The following B3GALT1 variants were observed in gnomAD, a reference collection of about 807,000 sequenced individuals.
B3GALT1 encodes beta-1,3-galactosyltransferase 1.
Under a neutral mutation model 23.2 loss-of-function variants are expected in B3GALT1, and 10 were observed. That is an observed-to-expected ratio of 0.43 (90% CI 0.27 to 0.73). The LOEUF (loss-of-function observed/expected upper bound fraction) is 0.73, where lower values mean the gene tolerates loss of function less well. Ranked by LOEUF, B3GALT1 falls within the 30% of genes least tolerant of loss-of-function variation. B3GALT1 has a pLI of 0.21. For missense variants in B3GALT1, 299 were observed against 405.4 expected (o/e 0.74, Z 2.25); for synonymous variants, 156 against 141.5 (o/e 1.10, Z -0.73).
intron 3 of B3GALT1, among the ~76,000 whole-genome samples, chr2:167,751,867 A>G (rs1033698710): frequency 2.0e-5 from 3 of 152,176 alleles, no homozygotes; most frequent in African/African-American, 7.2e-5. Context: ...AGTCTAGGAA[A>G]GGAGATCTTC....
intron 2 of B3GALT1, among the ~76,000 whole-genome samples, chr2:167,545,277 C>T (rs112007353): frequency 0.053 from 8,107 of 151,900 alleles, 413 homozygotes; most frequent in East Asian, 0.25. Context: ...CCTTGTGATC[C>T]GCCCACCTCG....
chr2:167,456,990 C>T (rs1279438052), intron 1 of B3GALT1, among the ~76,000 whole-genome samples: 1 of 152,132 alleles, frequency 6.6e-6, no homozygotes, highest in Non-Finnish European at 1.5e-5. Flanking sequence ...TTTCTGGCAA[C>T]CAGATCCAAT....
At chr2:167,726,730 G>A (rs115457615) in intron 3 of B3GALT1, among the ~76,000 whole-genome samples, 1 of 152,222 alleles carries the variant, frequency 6.6e-6, no homozygotes, top group Non-Finnish European at 1.5e-5. Context: ...AACACAACTG[G>A]TATGTAGCAG....
intron 3 of B3GALT1, among the ~76,000 whole-genome samples, chr2:167,687,669 AC>A (rs1241408138): frequency 3.3e-5 from 5 of 152,206 alleles, no homozygotes; most frequent in African/African-American, 7.2e-5. Context: ...ATGCTTCCTT[AC>A]AAAAATGTGT....
intron 4 of B3GALT1, among the ~76,000 whole-genome samples, chr2:167,845,238 C>T (rs531743686): frequency 6.6e-6 from 1 of 152,260 alleles, no homozygotes; most frequent in African/African-American, 2.4e-5. Context: ...TCCATACTAC[C>T]ACAGCTGGTG....
At chr2:167,581,938 T>C (rs981932931) in intron 2 of B3GALT1, among the ~76,000 whole-genome samples, 2 of 152,230 alleles carry the variant, frequency 1.3e-5, no homozygotes, top group Non-Finnish European at 2.9e-5. Flanking sequence ...GAATGTGCCC[T>C]GTCTTCTGTG....
chr2:167,367,343 A>G (rs1329632445), intron 1 of B3GALT1, among the ~76,000 whole-genome samples: 2 of 152,176 alleles, frequency 1.3e-5, no homozygotes, highest in South Asian at 2.1e-4. Flanking sequence ...GACCTCAACT[A>G]GATCTTTCCA....
At chr2:167,296,238 A>G (rs537258955) in intron 1 of B3GALT1, among the ~76,000 whole-genome samples, 1 of 152,378 alleles carries the variant, frequency 6.6e-6, no homozygotes, top group African/African-American at 2.4e-5. Flanking sequence ...AGATCACATC[A>G]ATATGAATAG....
intron 3 of B3GALT1, among the ~76,000 whole-genome samples, chr2:167,805,443 G>C (rs1244722631): frequency 1.3e-5 from 2 of 152,170 alleles, no homozygotes; most frequent in African/African-American, 4.8e-5. Context: ...TTTTCTTGTA[G>C]GGTTTTTATG....
intron 1 of B3GALT1, among the ~76,000 whole-genome samples, chr2:167,438,081 A>G (rs1308940768): frequency 2.6e-5 from 4 of 152,236 alleles, no homozygotes; most frequent in Admixed American, 1.3e-4. Flanking sequence ...CCTACAAAGG[A>G]TGTTTTTAAC....
intron 1 of B3GALT1, among the ~76,000 whole-genome samples, chr2:167,320,852 A>G (rs949130194): frequency 2.0e-5 from 3 of 152,094 alleles, no homozygotes; most frequent in Non-Finnish European, 4.4e-5. Flanking sequence ...CCTAATGTCT[A>G]CTTTTTAAGT....
At chr2:167,808,231 A>G (rs1473043410) in intron 3 of B3GALT1, among the ~76,000 whole-genome samples, 2 of 150,904 alleles carry the variant, frequency 1.3e-5, no homozygotes, top group East Asian at 1.9e-4. Context: ...AATACAGCAC[A>G]CTGATGGGTC....
chr2:167,469,247 G>A (rs1699390574), intron 1 of B3GALT1, among the ~76,000 whole-genome samples: 2 of 152,178 alleles, frequency 1.3e-5, no homozygotes, highest in African/African-American at 4.8e-5. Flanking sequence ...TGCTAGCTAA[G>A]TAGCTTTGGG....
chr2:167,444,674 C>G (rs1172636055), intron 1 of B3GALT1, among the ~76,000 whole-genome samples: 1 of 152,162 alleles, frequency 6.6e-6, no homozygotes, highest in East Asian at 1.9e-4. Context: ...GTAGTATTCT[C>G]TGATGGTAGT....
intron 3 of B3GALT1, among the ~76,000 whole-genome samples, chr2:167,782,525 C>T (rs1230742440): frequency 6.6e-6 from 1 of 152,192 alleles, no homozygotes; most frequent in South Asian, 2.1e-4. Flanking sequence ...CAATAGAAAT[C>T]TCACCTTACA....
At chr2:167,649,719 A>G (rs887464879) in intron 3 of B3GALT1, among the ~76,000 whole-genome samples, 5 of 151,950 alleles carry the variant, frequency 3.3e-5, no homozygotes, top group Non-Finnish European at 4.4e-5. Flanking sequence ...TTGATTGATT[A>G]TTGCTTTTAT....
At chr2:167,417,717 A>G (rs1698490991) in intron 1 of B3GALT1, among the ~76,000 whole-genome samples, 1 of 152,206 alleles carries the variant, frequency 6.6e-6, no homozygotes, top group Non-Finnish European at 1.5e-5. Flanking sequence ...GAATAGTTTT[A>G]TAATTTCACT....
intron 3 of B3GALT1, among the ~76,000 whole-genome samples, chr2:167,763,188 T>G (rs535362072): frequency 6.6e-6 from 1 of 152,202 alleles, no homozygotes; most frequent in Non-Finnish European, 1.5e-5. Context: ...GGGGTTATAC[T>G]AGGTATCTGA....
chr2:167,718,403 C>T (rs1289286712), intron 3 of B3GALT1, among the ~76,000 whole-genome samples: 7 of 151,998 alleles, frequency 4.6e-5, no homozygotes, highest in Non-Finnish European at 7.4e-5. Flanking sequence ...CTGCATATGA[C>T]GAATGTATTC....
Sources: gnomAD v4.1 joint callset for allele counts (sites outside exome capture counted in the v4.1 genomes callset) on GRCh38, gnomAD v4.1.1 for gene constraint, MANE v1.5 for transcripts, NCBI Gene and HGNC (gene_info 2026-07-23, HGNC 2026-07-21) for gene names.